The following RUNDC3B variants were observed in gnomAD, a reference collection of about 807,000 sequenced individuals.
The protein encoded by RUNDC3B is RUN domain containing 3B, also known as RUN domain-containing protein 3B.
Under a neutral mutation model 58.4 loss-of-function variants are expected in RUNDC3B, and 33 were observed. The ratio of observed to expected loss-of-function variants is 0.56; its 90% confidence interval spans 0.43 to 0.75. The LOEUF is 0.75. RUNDC3B is among the 30% of genes least tolerant of loss of function. The probability of loss-of-function intolerance (pLI) is 0.00; values close to 1 mark genes in which losing one functional copy is unlikely to be tolerated. For synonymous variants in RUNDC3B, 193 were observed against 195.2 expected, an observed-to-expected ratio of 0.99 and a Z score of 0.10; for missense variants, 501 against 535.7, an observed-to-expected ratio of 0.94 and a Z score of 0.64.
Position 87,700,403 on chromosome 7 carries a change from G to C in RUNDC3B, c.239-18G>C, listed in dbSNP as rs757999480. On this transcript the variant is annotated intron_variant, in intron 2 of 10. Coordinates refer to ENST00000394654, the MANE Select transcript of RUNDC3B (RefSeq NM_001134405.2). Reference sequence around the variant, plus strand: ...ATTTTACTTTTTAAAATTTTATATCGCAATTTGTCTCCTGAAGGTCAAGTA... The same window carrying C: ...ATTTTACTTTTTAAAATTTTATATCCCAATTTGTCTCCTGAAGGTCAAGTA... 6.4e-7 allele frequency: 1 copy of C among 1,552,060 alleles called. No individual in the cohort carries two copies. The highest frequency in any genetic ancestry group is 1.4e-5 in the African/African-American group (1 of 71,764).
intron 4 of RUNDC3B, among the ~76,000 whole-genome samples, chr7:87,717,306 T>A (rs1382116035): frequency 6.6e-6 from 1 of 151,928 alleles, no homozygotes; most frequent in Non-Finnish European, 1.5e-5. Flanking sequence ...GAATGAAATT[T>A]TCATGTTAAA....
At chr7:87,718,681 A>G (rs1830699124) in intron 4 of RUNDC3B, among the ~76,000 whole-genome samples, 1 of 152,214 alleles carries the variant, frequency 6.6e-6, no homozygotes, top group South Asian at 2.1e-4. Flanking sequence ...GATGAAAAAA[A>G]GTACAAAATT....
At chr7:87,708,793 C>T (rs575941427) in intron 3 of RUNDC3B, among the ~76,000 whole-genome samples, 82 of 152,144 alleles carry the variant, frequency 5.4e-4, no homozygotes, top group African/African-American at 1.9e-3. Flanking sequence ...TTCATTTGTG[C>T]ATAAAGTAGG....
intron 10 of RUNDC3B, among the ~76,000 whole-genome samples, chr7:87,816,711 C>A (rs1837062630): frequency 6.6e-6 from 1 of 152,146 alleles, no homozygotes; most frequent in Non-Finnish European, 1.5e-5. Flanking sequence ...CAGGAACAAA[C>A]ATAAAAGTGT....
At chr7:87,709,538 C>T in intron 3 of RUNDC3B, 1 of 984,618 alleles carries the variant, frequency 1.0e-6, no homozygotes, top group Non-Finnish European at 1.2e-6. Context: ...GCTAACCATA[C>T]CCTTATCATT....
intron 10 of RUNDC3B, among the ~76,000 whole-genome samples, chr7:87,824,849 C>A (rs1056088976): frequency 1.3e-5 from 2 of 152,052 alleles, no homozygotes; most frequent in African/African-American, 4.8e-5. Flanking sequence ...GCCATAGAGA[C>A]TTGTGGAACT....
intron 5 of RUNDC3B, among the ~76,000 whole-genome samples, chr7:87,740,256 C>T (rs1042312252): frequency 6.6e-6 from 1 of 152,004 alleles, no homozygotes; most frequent in Non-Finnish European, 1.5e-5. Context: ...GAAAGATTCT[C>T]ATTATCTCAC....
chr7:87,821,162 T>C (rs957487596), intron 10 of RUNDC3B, among the ~76,000 whole-genome samples: 12 of 151,846 alleles, frequency 7.9e-5, no homozygotes, highest in African/African-American at 2.4e-4. Context: ...GCCCAAAATC[T>C]CCTTAAGCTG....
chr7:87,761,133 A>C (rs1208896723), intron 6 of RUNDC3B, among the ~76,000 whole-genome samples: 9 of 151,930 alleles, frequency 5.9e-5, no homozygotes, highest in African/African-American at 2.2e-4. Context: ...TTGGCAACAC[A>C]AATATAAACA....
At chr7:87,682,632 G>A (rs773427433) in intron 2 of RUNDC3B, among the ~76,000 whole-genome samples, 9 of 152,184 alleles carry the variant, frequency 5.9e-5, no homozygotes, top group Non-Finnish European at 1.3e-4. Flanking sequence ...TTTTTTCTGA[G>A]TAGTGGATCA....
intron 5 of RUNDC3B, among the ~76,000 whole-genome samples, chr7:87,741,090 A>G (rs1032031338): frequency 6.6e-5 from 10 of 152,062 alleles, no homozygotes; most frequent in African/African-American, 2.4e-4. Flanking sequence ...CTGTAATCCC[A>G]GCTACCCAGG....
At chr7:87,692,807 T>C (rs1046455462) in intron 2 of RUNDC3B, among the ~76,000 whole-genome samples, 2 of 152,238 alleles carry the variant, frequency 1.3e-5, no homozygotes, top group Non-Finnish European at 2.9e-5. Flanking sequence ...GTTGTAGTTA[T>C]AGCAAGAACA....
In RUNDC3B at chr7:87,711,275, G is replaced by A. The variant is rs191207618; in HGVS notation, c.458+620G>A. Among the ~76,000 whole-genome samples the A allele has an allele frequency of 2.0e-3, 307 of 151,892 alleles. 2 individuals carry two copies. The highest frequency in any genetic ancestry group is 3.8e-3 in the Non-Finnish European group (257 of 67,976). On this transcript the variant is annotated intron_variant, in intron 4 of 10. Coordinates refer to ENST00000394654, the MANE Select transcript of RUNDC3B (RefSeq NM_001134405.2). The stretch of plus-strand genomic sequence containing the variant: ...CAGGAGGCAGAGGTTGTGGAGAGCC[G>A]AGATTGAGCCATTGCACCGCAGCCT...
intron 8 of RUNDC3B, among the ~76,000 whole-genome samples, chr7:87,803,057 A>C (rs1409129827): frequency 1.3e-5 from 2 of 152,184 alleles, no homozygotes; most frequent in Admixed American, 6.5e-5. Flanking sequence ...AAAAAGAATA[A>C]AGCATCAGTG....
rs1318883858 is a variant in RUNDC3B at position 87,831,348 on chromosome 7, T to C, written c.*1318T>C. 6.6e-6 allele frequency: 1 copy of C among 151,896 alleles called. No homozygotes were observed. Among genetic ancestry groups the C allele is most frequent in the Non-Finnish European group, 1.5e-5 (1 of 67,856 alleles). The allele number at this position is 151,896 out of a possible 1,614,324, so 9.4% of individuals were successfully genotyped here. The stretch of plus-strand genomic sequence containing the variant: ...AGGTTACCACATTCATTCTTTGTGT[T>C]AGAAATGTAGGAGTGTGGTGGTTTT... On this transcript the variant is annotated 3_prime_UTR_variant, in exon 11 of 11. Coordinates refer to ENST00000394654, the MANE Select transcript of RUNDC3B (RefSeq NM_001134405.2).
intron 6 of RUNDC3B, among the ~76,000 whole-genome samples, chr7:87,755,150 G>A (rs1047644911): frequency 7.2e-5 from 11 of 151,892 alleles, no homozygotes; most frequent in African/African-American, 2.7e-4. Flanking sequence ...AGCCTCCCGA[G>A]TAGCTGGGAC....
intron 1 of RUNDC3B, among the ~76,000 whole-genome samples, chr7:87,636,861 G>A (rs1229079599): frequency 2.0e-5 from 3 of 152,106 alleles, no homozygotes; most frequent in Non-Finnish European, 4.4e-5. Flanking sequence ...ATTTATGAAG[G>A]AAAGAGGTTT....
chr7:87,759,715 T>C (rs1157440977), intron 6 of RUNDC3B, among the ~76,000 whole-genome samples: 2 of 149,200 alleles, frequency 1.3e-5, no homozygotes, highest in Admixed American at 1.3e-4. Flanking sequence ...AGGGGATTGC[T>C]TAAGCTCAGG....
chr7:87,680,530 C>T (rs1389379145), intron 2 of RUNDC3B, among the ~76,000 whole-genome samples: 2 of 150,812 alleles, frequency 1.3e-5, no homozygotes, highest in South Asian at 2.1e-4. Flanking sequence ...CGGTGGCTCA[C>T]GCCTGTAATC....
Sources: gnomAD v4.1 joint callset for allele counts (sites outside exome capture counted in the v4.1 genomes callset) on GRCh38, gnomAD v4.1.1 for gene constraint, MANE v1.5 for transcripts, NCBI Gene and HGNC (gene_info 2026-07-23, HGNC 2026-07-21) for gene names.